SLC7A2: variants seen among roughly 807,000 people sequenced by gnomAD.
The protein encoded by SLC7A2 is solute carrier family 7 member 2.
Under a neutral mutation model 58.9 loss-of-function variants are expected in SLC7A2, and 48 were observed. The ratio of observed to expected loss-of-function variants is 0.82; its 90% CI spans 0.65 to 1.04. The LOEUF is 1.04. SLC7A2 is among the 50% of genes least tolerant of loss of function. The pLI is 0.00. For missense variants in SLC7A2, 1,029 were observed against 818.8 expected (o/e 1.26, Z -3.13); for synonymous variants, 363 against 314.5 (o/e 1.15, Z -1.63).
intron 2 of SLC7A2, among the ~76,000 whole-genome samples, chr8:17,509,526 G>A (rs1475133202): frequency 6.6e-6 from 1 of 151,986 alleles, no homozygotes; most frequent in Non-Finnish European, 1.5e-5. Flanking sequence ...GGCTGGTCCC[G>A]AACTCCTGAC....
At chr8:17,517,230 A>G (rs1322001328) in intron 2 of SLC7A2, among the ~76,000 whole-genome samples, 3 of 152,206 alleles carry the variant, frequency 2.0e-5, no homozygotes, top group Non-Finnish European at 4.4e-5. Flanking sequence ...AAACTTGGCA[A>G]TAGAAGGAAG....
At chr8:17,547,218 T>A (rs763311770) in intron 4 of SLC7A2, among the ~76,000 whole-genome samples, 5 of 150,272 alleles carry the variant, frequency 3.3e-5, no homozygotes, top group Non-Finnish European at 7.5e-5. Context: ...ACAGTCATGG[T>A]GGAAGGTGAC....
At chr8:17,495,374 T>A (rs773694850), upstream of SLC7A2, among the ~76,000 whole-genome samples, 1 of 152,220 alleles carries the variant, frequency 6.6e-6, no homozygotes, top group Non-Finnish European at 1.5e-5. Context: ...AGGAATCTGG[T>A]GTTAAAAGTC....
chr8:17,526,607 G>C (rs1453877134), intron 2 of SLC7A2, among the ~76,000 whole-genome samples: 2 of 152,094 alleles, frequency 1.3e-5, no homozygotes, highest in Non-Finnish European at 2.9e-5. Flanking sequence ...GTGCCCTGAA[G>C]TATGAGGAAG....
intron 2 of SLC7A2, among the ~76,000 whole-genome samples, chr8:17,509,798 C>T (rs1050114000): frequency 1.3e-5 from 2 of 152,144 alleles, no homozygotes; most frequent in Non-Finnish European, 2.9e-5. Flanking sequence ...TTCCACGTCT[C>T]TAAAGACATG....
At chr8:17,510,594 C>G (rs903684729) in intron 2 of SLC7A2, 2 of 152,134 alleles carry the variant, frequency 1.3e-5, no homozygotes, top group African/African-American at 2.4e-5. Context: ...TGATGTTGAG[C>G]TTTTTATCAT....
At chr8:17,545,360 C>T (rs368132548) in intron 4 of SLC7A2, among the ~76,000 whole-genome samples, 1 of 151,034 alleles carries the variant, frequency 6.6e-6, no homozygotes, top group African/African-American at 2.4e-5. Context: ...TAGCTAATCC[C>T]TGCTCTGTCT....
Position 17,567,955 on chromosome 8 carries a change from T to C in SLC7A2, c.*2809T>C, listed in dbSNP as rs1300710264. 1.3e-5 allele frequency: 2 copies of C among 152,092 alleles called. No individual in the cohort carries two copies. Among genetic ancestry groups the C allele is most frequent in the African/African-American group, 4.8e-5 (2 of 41,430 alleles). 9.4% of individuals were successfully genotyped at this position (152,092 alleles called of 1,614,324 possible). On this transcript the variant is annotated 3_prime_UTR_variant, in exon 13 of 13. Transcript: ENST00000494857. ...CCTGGTAGGTGTTTATTAGCAAAAG[T>C]CAGTATCACCAGCTCTTTGGCACCT...
intron 2 of SLC7A2, among the ~76,000 whole-genome samples, chr8:17,503,569 T>A (rs191656629): frequency 2.6e-5 from 4 of 152,256 alleles, no homozygotes; most frequent in Admixed American, 6.5e-5. Flanking sequence ...AAATGGCAAC[T>A]CTTCATGATA....
upstream of SLC7A2, among the ~76,000 whole-genome samples, chr8:17,495,730 A>G (rs190174335): frequency 8.5e-5 from 13 of 152,226 alleles, no homozygotes; most frequent in East Asian, 2.3e-3. Flanking sequence ...TTGTATTTTT[A>G]GTAGAGACGG....
intron 1 of SLC7A2, chr8:17,499,176 A>G (rs549322240): frequency 9.2e-5 from 14 of 151,922 alleles, no homozygotes; most frequent in African/African-American, 3.4e-4. Context: ...TTCTCTTTTC[A>G]GTCCTTCCTT....
intron 4 of SLC7A2, among the ~76,000 whole-genome samples, chr8:17,548,078 T>G (rs2150748857): frequency 6.6e-6 from 1 of 152,338 alleles, no homozygotes; most frequent in South Asian, 2.1e-4. Flanking sequence ...GTGGCTTAAG[T>G]GCCTGTAATT....
At chr8:17,558,220 T>C in intron 8 of SLC7A2, 75 bp from the exon 9 acceptor site, 1 of 916,846 alleles carries the variant, frequency 1.1e-6, no homozygotes, top group African/African-American at 1.6e-5. Context: ...CAGATGTCCC[T>C]GACTTGAACG....
intron 2 of SLC7A2, among the ~76,000 whole-genome samples, chr8:17,523,295 C>T (rs767600111): frequency 8.6e-5 from 13 of 152,000 alleles, no homozygotes; most frequent in Admixed American, 1.3e-4. Context: ...AAAAAAGAGC[C>T]CACATAGCTA....
intron 2 of SLC7A2, among the ~76,000 whole-genome samples, chr8:17,511,853 G>A (rs536722760): frequency 2.0e-5 from 3 of 152,176 alleles, no homozygotes; most frequent in East Asian, 3.9e-4. Context: ...TGCTAGGGCT[G>A]GCCACCAAAA....
rs867664717 is a variant in SLC7A2 at position 17,506,777 on chromosome 8, A to G, written c.-23+4475A>G. On this transcript the variant is annotated intron_variant, in intron 2 of 12. Transcript: ENST00000494857. Reference sequence around the variant, plus strand: ...TGTGGAATTTTTTTTTTTGAGACAGACTCTTGCTTTGTTGCCTGTCTGGAG... The same window carrying G: ...TGTGGAATTTTTTTTTTTGAGACAGGCTCTTGCTTTGTTGCCTGTCTGGAG... Among the ~76,000 whole-genome samples the G allele has an allele frequency of 2.7e-5, 4 of 150,212 alleles. No homozygotes were observed. The Middle Eastern group carries it at 0.014, about 511-fold the overall frequency.
intron 2 of SLC7A2, among the ~76,000 whole-genome samples, chr8:17,509,805 C>A (rs1563435961): frequency 6.6e-6 from 1 of 152,118 alleles, no homozygotes. Flanking sequence ...TCTCTAAAGA[C>A]ATGATATGCA....
rs78246651 is a variant in SLC7A2, at chr8:17,537,593, G to A, written c.-22-5725G>A. ...TGAAGACAGTGCTGTGGGGAGGGCA[G>A]GAGGCAGTGGCGGGATCCCAGGTAA... On this transcript the variant is annotated intron_variant, in intron 2 of 12. Transcript: ENST00000494857. Among the ~76,000 whole-genome samples, 17 of 152,290 alleles carry A rather than the reference G, an allele frequency of 1.1e-4. No homozygotes were observed. In the East Asian group the frequency reaches 3.3e-3, roughly 29 times the overall value.
chr8:17,503,363 T>C lies in SLC7A2; in HGVS notation c.-23+1061T>C, dbSNP rs142251975. On this transcript the variant is annotated intron_variant, in intron 2 of 12. Transcript: ENST00000494857. Reference sequence around the variant, plus strand: ...CCGCGCCCGGCTGAAAACATCTTTATTGAAAAAAATTTTATGCTTCAGAAG... The same window carrying C: ...CCGCGCCCGGCTGAAAACATCTTTACTGAAAAAAATTTTATGCTTCAGAAG... Among the ~76,000 whole-genome samples the C allele has an allele frequency of 4.6e-5, 7 of 152,258 alleles. No individual in the cohort carries two copies. In the South Asian group the frequency reaches 8.3e-4, roughly 18 times the overall value.
Sources: allele counts gnomAD v4.1 joint callset (sites outside exome capture counted in the v4.1 genomes callset), GRCh38; gene constraint gnomAD v4.1.1; transcripts MANE v1.5; gene names NCBI Gene and HGNC (gene_info 2026-07-23, HGNC 2026-07-21).